DNAH6: variants seen among roughly 807,000 people sequenced by gnomAD.
DNAH6 encodes dynein axonemal heavy chain 6.
DNAH6 carries 340 observed loss-of-function variants against 491.4 expected under a neutral mutation model. The observed-to-expected ratio is 0.69, with a 90% CI of 0.63 to 0.76. DNAH6 has a LOEUF of 0.76. DNAH6 is among the 30% of genes least tolerant of loss of function. The pLI is 0.00. For missense variants in DNAH6, 4,443 were observed against 4,972.2 expected, an observed-to-expected ratio of 0.89 and a Z score of 3.20; for synonymous variants, 1,603 against 1,686.1, an observed-to-expected ratio of 0.95 and a Z score of 1.21.
At chr2:84,597,068 G>T (rs561806414) in intron 18 of DNAH6, among the ~76,000 whole-genome samples, 1 of 152,064 alleles carries the variant, frequency 6.6e-6, no homozygotes. Flanking sequence ...TGCTTGTATT[G>T]TCCCTTTGTA....
rs1680769812 is a variant in DNAH6, at chr2:84,818,974, G to A, written c.12374-331G>A. Among the ~76,000 whole-genome samples the A allele has an allele frequency of 7.2e-5, 11 of 152,168 alleles. No individual in the cohort carries two copies. In the South Asian group the frequency reaches 1.0e-3, roughly 14 times the overall value. ...TATAGTCCCAGCTACTCAAGAGGCT[G>A]AGGTAGGAGAATCACTTGAACCCAG... On this transcript the variant is annotated intron_variant, in intron 76 of 76. Transcript: ENST00000389394.
chr2:84,653,862 C>T lies in DNAH6; in HGVS notation c.5622C>T (p.His1874=), dbSNP rs1029715340. ...SERIKLTPQI[H]MLFEVQDLRV... ...GGATTAAACTCACACCTCAAATTCA[C>T]ATGCTTTTTGAGGTAAGTGTACACA... is the stretch of plus-strand genomic sequence containing the variant. Residue 1874 remains histidine, a synonymous_variant, in exon 34 of 77, where the codon CAC becomes CAT. Transcript: ENST00000389394. 6.5e-7 allele frequency: 1 copy of T among 1,547,514 alleles called. No homozygotes were observed. The highest frequency in any genetic ancestry group is 8.7e-7 in the Non-Finnish European group (1 of 1,144,308).
At chr2:84,500,186 T>G in the DNAH6 span, among the ~76,000 whole-genome samples, 1 of 152,216 alleles carries the variant, frequency 6.6e-6, no homozygotes, top group East Asian at 1.9e-4. Context: ...AGCTCTCTAA[T>G]CCATTTTTAT....
intron 16 of DNAH6, among the ~76,000 whole-genome samples, chr2:84,591,514 G>A (rs1372398820): frequency 1.3e-5 from 2 of 152,090 alleles, no homozygotes; most frequent in African/African-American, 4.8e-5. Context: ...ACTTAATATT[G>A]TTAAAATACC....
chr2:84,605,352 CAAAAAA>C (rs5832617), intron 19 of DNAH6, 142 bp from the exon 20 acceptor site: 116 of 337,060 alleles, frequency 3.4e-4, no homozygotes, highest in Middle Eastern at 8.8e-4. Flanking sequence ...GACTCTATCT[CAAAAAA>C]AAAAAAAAAA....
At chr2:84,505,974 T>G in the DNAH6 span, among the ~76,000 whole-genome samples, 1 of 152,202 alleles carries the variant, frequency 6.6e-6, no homozygotes, top group Admixed American at 6.5e-5. Flanking sequence ...GACATTTGGG[T>G]TGGTTCCAAG....
intron 40 of DNAH6, among the ~76,000 whole-genome samples, chr2:84,675,702 A>G (rs1693176266): frequency 1.3e-5 from 2 of 152,144 alleles, no homozygotes; most frequent in South Asian, 4.2e-4. Flanking sequence ...TCTGTCACTG[A>G]GGCTGGACTG....
At chr2:84,473,255 T>C in the DNAH6 span, among the ~76,000 whole-genome samples, 4 of 152,250 alleles carry the variant, frequency 2.6e-5, no homozygotes, top group Non-Finnish European at 5.9e-5. Flanking sequence ...CTTGTTGAAT[T>C]TGTTGTTTAG....
chr2:84,509,998 GC>G, the DNAH6 span, among the ~76,000 whole-genome samples: 2 of 152,130 alleles, frequency 1.3e-5, no homozygotes, highest in Admixed American at 6.5e-5. Flanking sequence ...CTCTCTGGCT[GC>G]CCTTAACATT....
At position 84,659,376 on chromosome 2, in the gene DNAH6, G is replaced by C. The variant is rs1431880653; in HGVS notation, c.6084+207G>C. 3.3e-5 allele frequency among the ~76,000 whole-genome samples: 5 copies of C among 152,036 alleles called. No homozygotes were observed. The East Asian group carries it at 7.7e-4, about 23-fold the overall frequency. ...TCTCCCAGTCATATTAAAAAAGTAA[G>C]ATGTATAAGTATATAAAAACTCTCT... On this transcript the variant is annotated intron_variant, in intron 37 of 76. Coordinates refer to ENST00000389394, the MANE Select transcript of DNAH6 (RefSeq NM_001370.2).
At chr2:84,687,624 G>C (rs1032498445) in intron 44 of DNAH6, among the ~76,000 whole-genome samples, 6 of 152,096 alleles carry the variant, frequency 3.9e-5, no homozygotes, top group Non-Finnish European at 7.4e-5. Flanking sequence ...TATCACATGA[G>C]GGAATACACA....
intron 61 of DNAH6, among the ~76,000 whole-genome samples, chr2:84,728,384 G>T (rs191753785): frequency 4.6e-5 from 7 of 152,236 alleles, no homozygotes; most frequent in Admixed American, 3.3e-4. Context: ...CATACATTTT[G>T]CTGTGTTGCC....
chr2:84,550,248 A>G (rs1679200967), intron 9 of DNAH6, among the ~76,000 whole-genome samples, 191 bp downstream of exon 9: 1 of 152,104 alleles, frequency 6.6e-6, no homozygotes. Context: ...ACTGTGGGGG[A>G]TGATTTCGGG....
At chr2:84,605,723 G>A in intron 20 of DNAH6, 131 bp downstream of exon 20, 1 of 592,410 alleles carries the variant, frequency 1.7e-6, no homozygotes, top group Non-Finnish European at 2.9e-6. Context: ...AATTGGGAAA[G>A]CAAAATGAAT....
At chr2:84,744,588 TTA>T (rs777197871) in intron 62 of DNAH6, among the ~76,000 whole-genome samples, 36 of 152,366 alleles carry the variant, frequency 2.4e-4, no homozygotes, top group African/African-American at 6.3e-4. Context: ...TAGACTGATT[TTA>T]TTTTTTTCTT....
At chr2:84,645,526 CAT>C (rs138929526) in intron 33 of DNAH6, among the ~76,000 whole-genome samples, 10,503 of 152,020 alleles carry the variant, frequency 0.069, 1,204 homozygotes, top group African/African-American at 0.24. Context: ...AGCTTTTTTT[CAT>C]ATGTTTGTTG....
At chr2:84,707,342 C>T (rs949371812) in intron 53 of DNAH6, among the ~76,000 whole-genome samples, 178 bp from the exon 54 acceptor site, 2 of 152,162 alleles carry the variant, frequency 1.3e-5, no homozygotes, top group Admixed American at 1.3e-4. Context: ...AAAAGGCAAA[C>T]TTAGACTTGG....
At chr2:84,460,146 C>T in the DNAH6 span, 3 of 152,318 alleles carry the variant, frequency 2.0e-5, no homozygotes, top group East Asian at 5.8e-4. Context: ...TGAGATTCCT[C>T]ATCAGAATTG....
Position 84,816,086 on chromosome 2 carries a change from G to A in DNAH6, c.12373+3G>A. 1.3e-6 allele frequency: 2 copies of A among 1,544,798 alleles called. No homozygotes were observed. Among genetic ancestry groups the A allele is most frequent in the Non-Finnish European group, 1.8e-6 (2 of 1,141,872 alleles). ...GGCAGGAACACTCTCAACCACAGGT[G>A]AGGATGTTCTTAAGATTAGTTCAAA... On this transcript the variant is annotated splice_donor_region_variant and intron_variant, in intron 76 of 76. Coordinates refer to ENST00000389394, the MANE Select transcript of DNAH6 (RefSeq NM_001370.2).
Sources: allele counts gnomAD v4.1 joint callset (sites outside exome capture counted in the v4.1 genomes callset), GRCh38; gene constraint gnomAD v4.1.1; transcripts MANE v1.5; gene names NCBI Gene and HGNC (gene_info 2026-07-23, HGNC 2026-07-21).